Variants in LRRIQ3 observed in about 807,000 individuals in gnomAD.
LRRIQ3 encodes leucine rich repeats and IQ motif containing 3.
Under a neutral mutation model 59.3 loss-of-function variants are expected in LRRIQ3, and 75 were observed. The observed-to-expected ratio is 1.26, with a 90% CI of 1.05 to 1.53. The LOEUF is 1.53. Ranked by LOEUF, LRRIQ3 falls within the 40% of genes most tolerant of loss-of-function variation. LRRIQ3 has a pLI of 0.00. For synonymous variants in LRRIQ3, 250 were observed against 231.3 expected, an observed-to-expected ratio of 1.08 and a Z score of -0.73; for missense variants, 831 against 710.0, an observed-to-expected ratio of 1.17 and a Z score of -1.94.
At chr1:74,164,500 T>A (rs1007278011) in intron 3 of LRRIQ3, among the ~76,000 whole-genome samples, 2 of 151,444 alleles carry the variant, frequency 1.3e-5, no homozygotes, top group African/African-American at 2.4e-5. Flanking sequence ...CCTCCAGAAT[T>A]GTAAATAAAT....
chr1:74,180,460 TTTC>T (rs1299740714), intron 3 of LRRIQ3: 21 of 383,736 alleles, frequency 5.5e-5, no homozygotes, highest in Middle Eastern at 7.3e-4. Context: ...CTAGTTATTA[TTTC>T]TTCTTTAATA....
chr1:74,096,091 T>A (rs530700217), intron 5 of LRRIQ3, among the ~76,000 whole-genome samples: 1 of 152,010 alleles, frequency 6.6e-6, no homozygotes, highest in African/African-American at 2.4e-5. Flanking sequence ...AGAACTATAT[T>A]TCAAAAAAAA....
intron 4 of LRRIQ3, among the ~76,000 whole-genome samples, chr1:74,152,782 A>G (rs1648071128): frequency 6.6e-6 from 1 of 152,162 alleles, no homozygotes; most frequent in Non-Finnish European, 1.5e-5. Context: ...AGCTGACTTC[A>G]GGGGTGTTGT....
chr1:74,082,221 T>A (rs947105113), intron 5 of LRRIQ3: 2 of 151,538 alleles, frequency 1.3e-5, no homozygotes, highest in African/African-American at 4.8e-5. Flanking sequence ...AAAAAAGGCA[T>A]TGAAAGTGAG....
chr1:74,077,462 A>C (rs184519326), intron 5 of LRRIQ3, among the ~76,000 whole-genome samples: 3,021 of 151,564 alleles, frequency 0.02, 49 homozygotes, highest in Middle Eastern at 0.069. Flanking sequence ...AACCCCCCCC[A>C]AAAAAAATCT....
intron 1 of LRRIQ3, among the ~76,000 whole-genome samples, chr1:74,183,917 C>G (rs1208402675): frequency 6.6e-6 from 1 of 151,938 alleles, no homozygotes; most frequent in African/African-American, 2.4e-5. Context: ...AACTAATTAG[C>G]AAGAGGAAGA....
chr1:74,029,720 GT>G (rs1653638592), intron 7 of LRRIQ3, among the ~76,000 whole-genome samples: 1 of 152,112 alleles, frequency 6.6e-6, no homozygotes, highest in Non-Finnish European at 1.5e-5. Flanking sequence ...CATAAATTGA[GT>G]TAGGGAGGAT....
intron 4 of LRRIQ3, among the ~76,000 whole-genome samples, chr1:74,146,316 G>A (rs11589619): frequency 0.025 from 3,860 of 152,210 alleles, 72 homozygotes; most frequent in Middle Eastern, 0.044. Flanking sequence ...TACAATGTTA[G>A]TGTACCATTA....
At chr1:74,189,077 A>T (rs1650589827) in intron 1 of LRRIQ3, among the ~76,000 whole-genome samples, 1 of 151,988 alleles carries the variant, frequency 6.6e-6, no homozygotes, top group African/African-American at 2.4e-5. Flanking sequence ...CAGTTAGTTC[A>T]CTCCTCCAGT....
chr1:74,148,488 G>C (rs1205336916), intron 4 of LRRIQ3, among the ~76,000 whole-genome samples: 1 of 152,146 alleles, frequency 6.6e-6, no homozygotes, highest in African/African-American at 2.4e-5. Flanking sequence ...GCATACATGG[G>C]TGGCAGTAGT....
chr1:74,106,394 G>A (rs929591022), intron 5 of LRRIQ3, among the ~76,000 whole-genome samples: 1 of 151,862 alleles, frequency 6.6e-6, no homozygotes, highest in Non-Finnish European at 1.5e-5. Flanking sequence ...GAAGGGAGGG[G>A]AGCTAGGCTG....
intron 7 of LRRIQ3, among the ~76,000 whole-genome samples, chr1:74,036,032 A>G (rs951793017): frequency 6.6e-6 from 1 of 152,174 alleles, no homozygotes; most frequent in Non-Finnish European, 1.5e-5. Flanking sequence ...TAGAGGATCA[A>G]GAATATCTTA....
At chr1:74,176,716 C>A (rs1649663915) in intron 3 of LRRIQ3, among the ~76,000 whole-genome samples, 2 of 151,930 alleles carry the variant, frequency 1.3e-5, no homozygotes, top group Non-Finnish European at 2.9e-5. Flanking sequence ...TTAGGGGTAG[C>A]CTTGTTATCA....
intron 6 of LRRIQ3, among the ~76,000 whole-genome samples, chr1:74,065,988 A>T (rs959717823): frequency 6.6e-6 from 1 of 151,994 alleles, no homozygotes; most frequent in African/African-American, 2.4e-5. Context: ...GGAGTTTGAG[A>T]CCAACCTGAC....
At chr1:74,166,294 T>C (rs1648986838) in intron 3 of LRRIQ3, among the ~76,000 whole-genome samples, 2 of 151,694 alleles carry the variant, frequency 1.3e-5, no homozygotes, top group Non-Finnish European at 3.0e-5. Flanking sequence ...AGTTTGTGTT[T>C]TTTTTTCTGT....
At chr1:74,133,253 T>C (rs1256268527) in intron 4 of LRRIQ3, among the ~76,000 whole-genome samples, 3 of 152,036 alleles carry the variant, frequency 2.0e-5, no homozygotes, top group African/African-American at 4.8e-5. Flanking sequence ...AACACTTTTA[T>C]ACTGTTGGTG....
chr1:74,114,516 C>A (rs1646750826), intron 4 of LRRIQ3, among the ~76,000 whole-genome samples: 1 of 151,926 alleles, frequency 6.6e-6, no homozygotes, highest in Non-Finnish European at 1.5e-5. Context: ...GTGGGTAGAT[C>A]ATGAGGTCAG....
At chr1:74,097,367 G>A (rs781153786) in intron 5 of LRRIQ3, among the ~76,000 whole-genome samples, 3 of 150,896 alleles carry the variant, frequency 2.0e-5, no homozygotes, top group East Asian at 2.0e-4. Context: ...AGAAAAAAGC[G>A]TTAAATGAAC....
rs143932726 is a variant in LRRIQ3, at chr1:74,159,743, A to G, written c.574-3877T>C. 3.7e-3 allele frequency among the ~76,000 whole-genome samples: 568 copies of G among 152,264 alleles called. 9 individuals are homozygous for G. The highest frequency in any genetic ancestry group is 0.013 in the African/African-American group (530 of 41,574). On this transcript the variant is annotated intron_variant, in intron 3 of 7. Coordinates refer to ENST00000354431, the MANE Select transcript of LRRIQ3 (RefSeq NM_001105659.2). ...AGACATTCTTTCTTAAATTACAGGC[A>G]TATAAAATAAACTTCCAATTCCATT...
Sources: gnomAD v4.1 joint callset for allele counts (sites outside exome capture counted in the v4.1 genomes callset) on GRCh38, gnomAD v4.1.1 for gene constraint, MANE v1.5 for transcripts, NCBI Gene and HGNC (gene_info 2026-07-23, HGNC 2026-07-21) for gene names.